Variants in THEMIS observed in about 807,000 individuals in gnomAD.
THEMIS encodes thymocyte selection associated.
In THEMIS, 37 loss-of-function variants were observed where a neutral mutation model predicts 52.6. That is an observed-to-expected ratio of 0.70 (90% confidence interval 0.54 to 0.93). The LOEUF is 0.93. Among genes scored for constraint, THEMIS ranks in the 40% least tolerant of loss-of-function variants. The pLI is 0.00. For missense variants in THEMIS, 808 were observed against 763.1 expected, an observed-to-expected ratio of 1.06 and a Z score of -0.69; for synonymous variants, 292 against 272.7, an observed-to-expected ratio of 1.07 and a Z score of -0.70.
upstream of THEMIS, among the ~76,000 whole-genome samples, chr6:127,902,341 A>AAT (rs1554248931): frequency 1.3e-4 from 19 of 149,508 alleles, no homozygotes; most frequent in African/African-American, 3.7e-4. Flanking sequence ...AAAAAAAAAA[A>AAT]AAAATAAAGA....
At chr6:127,800,185 G>C (rs950745899) in intron 4 of THEMIS, among the ~76,000 whole-genome samples, 1 of 152,154 alleles carries the variant, frequency 6.6e-6, no homozygotes, top group Admixed American at 6.5e-5. Flanking sequence ...ATGAGTTGAT[G>C]CATGTAGAAA....
intron 2 of THEMIS, among the ~76,000 whole-genome samples, chr6:127,841,532 G>T (rs1018186152): frequency 1.3e-5 from 2 of 151,984 alleles, no homozygotes; most frequent in African/African-American, 4.8e-5. Flanking sequence ...ACCAGCTGTG[G>T]AACAGCCTCC....
intron 4 of THEMIS, among the ~76,000 whole-genome samples, chr6:127,752,240 C>T (rs1256654163): frequency 6.6e-6 from 1 of 151,290 alleles, no homozygotes; most frequent in Non-Finnish European, 1.5e-5. Flanking sequence ...CCTAAATTTA[C>T]ACCTCGAGGA....
chr6:127,755,042 A>AT lies in THEMIS; in HGVS notation c.1759-35220dup, dbSNP rs565678171. Among the ~76,000 whole-genome samples, 308 of 152,152 alleles carry AT rather than the reference A, an allele frequency of 2.0e-3. 3 individuals carry two copies. The highest frequency in any genetic ancestry group is 3.9e-3 in the Admixed American group (59 of 15,274). ...TTTTTTAAACCCTCCTTTAAAAACT[A>AT]TTTGGCAGCTTATTATTAGGGTAAA... On this transcript the variant is annotated intron_variant, in intron 4 of 5. Transcript: ENST00000368248.
chr6:127,836,847 C>T (rs150723590), intron 2 of THEMIS, among the ~76,000 whole-genome samples: 2 of 152,196 alleles, frequency 1.3e-5, no homozygotes, highest in Non-Finnish European at 2.9e-5. Context: ...ACGGTCCTCT[C>T]TGGAAGCTTT....
chr6:127,897,584 C>G, intron 1 of THEMIS, among the ~76,000 whole-genome samples: 1 of 151,486 alleles, frequency 6.6e-6, no homozygotes, highest in East Asian at 1.9e-4. Flanking sequence ...AAAACTAAAA[C>G]CATGAGCTAC....
In THEMIS at chr6:127,867,102, A is replaced by G. The variant is rs984828977; in HGVS notation, c.92-11914T>C. Among the ~76,000 whole-genome samples the G allele has an allele frequency of 5.3e-5, 8 of 152,110 alleles. No individual in the cohort carries two copies. The South Asian group carries it at 1.7e-3, about 31-fold the overall frequency. On this transcript the variant is annotated intron_variant, in intron 1 of 5. Coordinates refer to ENST00000368248, the MANE Select transcript of THEMIS (RefSeq NM_001010923.3). ...CTTTCTTCTAGGGGGAAAATCCTAA[A>G]GAATTCTTTTAGTTATATAAGCCAT...
Position 127,854,347 on chromosome 6 carries a change from A to G in THEMIS, c.250+683T>C, listed in dbSNP as rs553235795. Among the ~76,000 whole-genome samples, 71 of 151,964 alleles carry G rather than the reference A, an allele frequency of 4.7e-4. No homozygotes were observed. In the Middle Eastern group the frequency reaches 0.01, roughly 22 times the overall value. ...AGACCCTCTGGCCACAAAACCTAAA[A>G]GATTTACTATTTGGCTCTTTATAGA... On this transcript the variant is annotated intron_variant, in intron 2 of 5. Coordinates refer to ENST00000368248, the MANE Select transcript of THEMIS (RefSeq NM_001010923.3).
chr6:127,894,699 G>A (rs1214773332), intron 1 of THEMIS, among the ~76,000 whole-genome samples: 1 of 151,500 alleles, frequency 6.6e-6, no homozygotes, highest in Non-Finnish European at 1.5e-5. Context: ...CCAAATTCTA[G>A]CTTCTTTTCA....
chr6:127,719,516 A>G (rs1163024667), intron 5 of THEMIS, among the ~76,000 whole-genome samples, 172 bp downstream of exon 5: 1 of 151,984 alleles, frequency 6.6e-6, no homozygotes, highest in Non-Finnish European at 1.5e-5. Flanking sequence ...GTGAGTGTTC[A>G]ATATCATGCT....
intron 1 of THEMIS, among the ~76,000 whole-genome samples, chr6:127,891,756 A>G (rs117599417): frequency 0.013 from 1,949 of 152,186 alleles, 27 homozygotes; most frequent in Non-Finnish European, 0.017. Flanking sequence ...AATGGCAATC[A>G]GGTCTTGTCA....
intron 2 of THEMIS, among the ~76,000 whole-genome samples, chr6:127,830,738 C>T (rs1407372673): frequency 6.6e-6 from 1 of 151,968 alleles, no homozygotes; most frequent in Non-Finnish European, 1.5e-5. Flanking sequence ...ATAGCTTGGA[C>T]TAGATAGATA....
downstream of THEMIS, among the ~76,000 whole-genome samples, chr6:127,704,305 A>C (rs6918110): frequency 0.47 from 71,222 of 151,770 alleles, 17,934 homozygotes; most frequent in Non-Finnish European, 0.58. Context: ...GTATGGGGCC[A>C]GGAGGAAGGC....
Position 127,889,913 on chromosome 6 carries a change from A to G in THEMIS, c.91+10929T>C, listed in dbSNP as rs74504377. Among the ~76,000 whole-genome samples, 5,168 of 152,216 alleles carry G rather than the reference A, an allele frequency of 0.034. 658 individuals are homozygous for G. In the East Asian group the frequency reaches 0.38, roughly 11 times the overall value. On this transcript the variant is annotated intron_variant, in intron 1 of 5. Transcript: ENST00000368248. ...AGACATAACGTCACAAGATGCCAAC[A>G]CAGACATTTGAGAATTAAAGATTGC...
At chr6:127,781,178 C>A (rs916260389) in intron 4 of THEMIS, among the ~76,000 whole-genome samples, 1 of 151,582 alleles carries the variant, frequency 6.6e-6, no homozygotes, top group Non-Finnish European at 1.5e-5. Flanking sequence ...TCTGCTTGAT[C>A]GGTTTGGTTA....
intron 1 of THEMIS, among the ~76,000 whole-genome samples, chr6:127,916,524 G>A (rs1049619151): frequency 1.3e-5 from 2 of 152,230 alleles, no homozygotes; most frequent in Admixed American, 6.5e-5. Flanking sequence ...GGTTTAAGAG[G>A]GGCATGATCA....
In THEMIS at chr6:127,799,989, A is replaced by G. The variant is rs566195618; in HGVS notation, c.1758+12894T>C. The stretch of plus-strand genomic sequence containing the variant: ...TAGCCATGGCTTGAATTTTGATTCT[A>G]AAATCACAAACGTTCTTCATAGTAC... On this transcript the variant is annotated intron_variant, in intron 4 of 5. Coordinates refer to ENST00000368248, the MANE Select transcript of THEMIS (RefSeq NM_001010923.3). 3.3e-5 allele frequency among the ~76,000 whole-genome samples: 5 copies of G among 152,336 alleles called. No homozygotes were observed. The East Asian group carries it at 7.7e-4, about 23-fold the overall frequency.
rs1330092199 is a variant in THEMIS, at chr6:127,855,137, A to C, written c.143T>G (p.Val48Gly). 6.2e-7 allele frequency: 1 copy of C among 1,609,794 alleles called. No homozygotes were observed. The highest frequency in any genetic ancestry group is 1.1e-5 in the South Asian group (1 of 90,590). Residue 48 changes from valine to glycine, a missense_variant, in exon 2 of 6, where the codon GTG becomes GGG. Physicochemically the swap from Val to Gly is moderately radical, Grantham distance 109 (BLOSUM62 -3). Transcript: ENST00000368248. ...GNECCFSTGE[V>G]IKITGLKVKK... is the part of the protein sequence containing the mutation. ...AACTTTGAGACCAGTAATTTTAATCACTTCTCCTGTTGAAAAACAGCATTC... is the reference window on the plus strand; with the variant it reads ...AACTTTGAGACCAGTAATTTTAATCCCTTCTCCTGTTGAAAAACAGCATTC...
intron 4 of THEMIS, among the ~76,000 whole-genome samples, chr6:127,807,738 CA>C (rs1413850584): frequency 2.0e-5 from 3 of 152,142 alleles, no homozygotes; most frequent in Non-Finnish European, 4.4e-5. Context: ...TTAACAAAAA[CA>C]AAAACAAGTC....
Sources: allele counts gnomAD v4.1 joint callset (sites outside exome capture counted in the v4.1 genomes callset), GRCh38; gene constraint gnomAD v4.1.1; transcripts MANE v1.5; gene names NCBI Gene and HGNC (gene_info 2026-07-23, HGNC 2026-07-21).